The following OTULIN variants were observed in gnomAD, a reference collection of about 807,000 sequenced individuals.
OTULIN encodes OTU deubiquitinase with linear linkage specificity.
Under a neutral mutation model 39.6 loss-of-function variants are expected in OTULIN, and 15 were observed. The ratio of observed to expected loss-of-function variants is 0.38; its 90% confidence interval spans 0.25 to 0.58. The LOEUF is 0.58. Among genes scored for constraint, OTULIN ranks in the 20% least tolerant of loss-of-function variants. OTULIN has a pLI of 0.66. For missense variants in OTULIN, 319 were observed against 445.9 expected, an observed-to-expected ratio of 0.72 and a Z score of 2.56; for synonymous variants, 156 against 170.3, an observed-to-expected ratio of 0.92 and a Z score of 0.65.
rs80161787 is a variant in OTULIN at position 14,687,743 on chromosome 5, A to G, written c.594+97A>G. 7,457 of 1,440,860 alleles carry G rather than the reference A, an allele frequency of 5.2e-3. 341 individuals carry two copies. The African/African-American group carries it at 0.097, about 19-fold the overall frequency. The allele number at this position is 1,440,860 out of a possible 1,614,324, so 89.3% of individuals were successfully genotyped here. On this transcript the variant is annotated intron_variant, in intron 5 of 6. Coordinates refer to ENST00000284274, the MANE Select transcript of OTULIN (RefSeq NM_138348.6). ...TTAGTCTTCACTCAGTGGATTTTCA[A>G]ATGCTCTTGGCTGATTTTTAGGCAA... is the stretch of plus-strand genomic sequence containing the variant.
chr5:14,703,452 A>G (rs918701706), downstream of OTULIN, among the ~76,000 whole-genome samples: 1 of 152,000 alleles, frequency 6.6e-6, no homozygotes, highest in African/African-American at 2.4e-5. Flanking sequence ...CACAGAGGAT[A>G]AAGAGGAAGG....
At chr5:14,713,045 C>T in the OTULIN span, 12 of 1,447,196 alleles carry the variant, frequency 8.3e-6, no homozygotes, top group Non-Finnish European at 1.1e-5. The surrounding 1 kb of genome is among the most constrained non-coding windows in gnomAD (Gnocchi z 4.4). Flanking sequence ...TGCCAAAACC[C>T]AGGAAAGTAA....
chr5:14,690,166 T>C lies in OTULIN; in HGVS notation c.722T>C (p.Ile241Thr). ...AVKFLMLNRA[I>T]ELYNDKEKGK... ...AAATTTCTAATGCTAAACAGAGCCA[T>C]TGAACTATATAATGATAAAGAGAAA... Residue 241 changes from isoleucine to threonine, a missense_variant, in exon 6 of 7, where the codon ATT (isoleucine) becomes ACT (threonine). Physicochemically the swap from Ile to Thr is moderately conservative, Grantham distance 89 (BLOSUM62 -1). Coordinates refer to ENST00000284274, the MANE Select transcript of OTULIN (RefSeq NM_138348.6). This position sits in a 1 kb window ranked among gnomAD's most constrained non-coding sequence, Gnocchi z 4.5. 6.2e-7 allele frequency: 1 copy of C among 1,614,084 alleles called. No individual in the cohort carries two copies. Among genetic ancestry groups the C allele is most frequent in the Non-Finnish European group, 8.5e-7 (1 of 1,180,014 alleles).
At chr5:14,674,508 C>A (rs973311232) in intron 2 of OTULIN, among the ~76,000 whole-genome samples, 2 of 152,218 alleles carry the variant, frequency 1.3e-5, no homozygotes, top group Non-Finnish European at 2.9e-5. Flanking sequence ...GTAATCCCAG[C>A]ACTTGGGGAG....
chr5:14,701,303 C>T (rs1322332763), downstream of OTULIN, among the ~76,000 whole-genome samples: 1 of 152,230 alleles, frequency 6.6e-6, no homozygotes, highest in Non-Finnish European at 1.5e-5. Context: ...TTCTACTGAG[C>T]CCTGTCCACA....
the OTULIN span, among the ~76,000 whole-genome samples, chr5:14,714,016 G>C: frequency 6.6e-6 from 1 of 152,258 alleles, no homozygotes; most frequent in African/African-American, 2.4e-5. Flanking sequence ...CTCTAGAAGA[G>C]AACACTCAGA....
At chr5:14,673,883 G>T in intron 2 of OTULIN, 165 bp downstream of exon 2, 1 of 485,156 alleles carries the variant, frequency 2.1e-6, no homozygotes, top group Non-Finnish European at 3.5e-6. Context: ...TGTTTCCTGA[G>T]GCTTTTAAAT....
At chr5:14,714,027 G>A in the OTULIN span, among the ~76,000 whole-genome samples, 2 of 152,268 alleles carry the variant, frequency 1.3e-5, no homozygotes, top group Admixed American at 6.5e-5. Context: ...AACACTCAGA[G>A]AAAAGTGGCA....
At chr5:14,673,823 T>C (rs1560993087) in intron 2 of OTULIN, 105 bp downstream of exon 2, 9 of 926,682 alleles carry the variant, frequency 9.7e-6, no homozygotes, top group Non-Finnish European at 1.3e-5. Context: ...AATATTCTTA[T>C]GTATATGGTC....
Position 14,693,851 on chromosome 5 carries a change from G to A in OTULIN, c.*803G>A, listed in dbSNP as rs1008975247. The A allele has an allele frequency of 1.3e-5, 2 of 152,252 alleles. No individual in the cohort carries two copies. Among genetic ancestry groups the A allele is most frequent in the Non-Finnish European group, 2.9e-5 (2 of 68,094 alleles). The allele number at this position is 152,252 out of a possible 1,614,324, so 9.4% of individuals were successfully genotyped here. On this transcript the variant is annotated 3_prime_UTR_variant, in exon 7 of 7. Transcript: ENST00000284274. Reference sequence around the variant, plus strand: ...TGATGCCCCCAGCGCACTGGAGTCTGGGGCTTGGTGCAGGTGGTGCCCCAT... The same window carrying A: ...TGATGCCCCCAGCGCACTGGAGTCTAGGGCTTGGTGCAGGTGGTGCCCCAT...
chr5:14,693,122 TG>T lies in OTULIN; in HGVS notation c.*79del. The T allele has an allele frequency of 7.1e-7, 1 of 1,415,680 alleles. No homozygotes were observed. Among genetic ancestry groups the T allele is most frequent in the African/African-American group, 1.4e-5 (1 of 70,264 alleles). 87.7% of individuals were successfully genotyped at this position (1,415,680 alleles called of 1,614,324 possible). On this transcript the variant is annotated 3_prime_UTR_variant, in exon 7 of 7. Transcript: ENST00000284274. ...GGCTCCTGGGCTTGGGCTGCAGGTT[TG>T]GGGGTCTCTAAGAACAATCTCTGAG...
chr5:14,683,929 A>G (rs1736321853), intron 4 of OTULIN, among the ~76,000 whole-genome samples: 1 of 152,208 alleles, frequency 6.6e-6, no homozygotes, highest in South Asian at 2.1e-4. Context: ...TATTAAAAAT[A>G]GTCTGGGTAG....
In OTULIN at chr5:14,678,761, A is replaced by G. The variant is rs1220378082; in HGVS notation, c.310A>G (p.Thr104Ala). 1.2e-6 allele frequency: 2 copies of G among 1,606,450 alleles called. No individual in the cohort carries two copies. Among genetic ancestry groups the G allele is most frequent in the Non-Finnish European group, 1.7e-6 (2 of 1,176,102 alleles). Residue 104 changes from threonine to alanine, a missense_variant, in exon 3 of 7, where the codon ACG (threonine) becomes GCG (alanine). Thr to Ala is a moderately conservative substitution (Grantham distance 58). Around this residue, in one of 4 missense-constraint regions of OTULIN, gnomAD observed 132 missense variants for 143.7 expected, o/e 0.92. Transcript: ENST00000284274. ...ATGGAGAGGAAATACACAGAAAGCA[A>G]CGTGTATGAAAATGGTATGACACAG... is the stretch of plus-strand genomic sequence containing the variant. ...KEWRGNTQKA[T>A]CMKMGYEEVS...
At chr5:14,713,640 C>T in the OTULIN span, 1 of 1,614,180 alleles carries the variant, frequency 6.2e-7, no homozygotes, top group Non-Finnish European at 8.5e-7. This position sits in a 1 kb window ranked among gnomAD's most constrained non-coding sequence, Gnocchi z 4.4. Context: ...TGTCATCAGC[C>T]ACCCGGTGAG....
the OTULIN span, among the ~76,000 whole-genome samples, chr5:14,714,592 T>C: frequency 6.6e-6 from 1 of 152,170 alleles, no homozygotes; most frequent in Non-Finnish European, 1.5e-5. Context: ...TCTAACAGTG[T>C]GTCCTGCCTT....
intron 4 of OTULIN, among the ~76,000 whole-genome samples, chr5:14,681,891 G>A (rs576837827): frequency 1.3e-5 from 2 of 152,304 alleles, no homozygotes; most frequent in East Asian, 1.9e-4. Context: ...TTCAATTTTG[G>A]TGTTTATTTT....
At chr5:14,675,383 C>T (rs960647216) in intron 2 of OTULIN, among the ~76,000 whole-genome samples, 1 of 152,212 alleles carries the variant, frequency 6.6e-6, no homozygotes. Context: ...GAGCCCCCCT[C>T]AAGCAATTGG....
At chr5:14,685,212 T>G (rs1296935113) in intron 4 of OTULIN, among the ~76,000 whole-genome samples, 1 of 151,522 alleles carries the variant, frequency 6.6e-6, no homozygotes, top group Non-Finnish European at 1.5e-5. Flanking sequence ...TTTTGTAAGT[T>G]TTGGGGATGA....
chr5:14,678,123 A>G (rs1736151733), intron 2 of OTULIN, among the ~76,000 whole-genome samples: 1 of 152,206 alleles, frequency 6.6e-6, no homozygotes, highest in South Asian at 2.1e-4. Context: ...ACCAAATGGT[A>G]TAAGAGGAAT....
Sources: gnomAD v4.1 joint callset for allele counts (sites outside exome capture counted in the v4.1 genomes callset) on GRCh38, gnomAD v4.1.1 for gene constraint, gnomAD v4.1.1 regional missense constraint, Gnocchi (gnomAD v3.1) non-coding constraint, MANE v1.5 for transcripts, NCBI Gene and HGNC (gene_info 2026-07-23, HGNC 2026-07-21) for gene names.